The following THRB variants were observed in gnomAD, a reference collection of about 807,000 sequenced individuals.
THRB encodes the protein thyroid hormone receptor beta, also known as nuclear receptor subfamily 1 group A member 2.
Under a neutral mutation model 47.8 loss-of-function variants are expected in THRB, and 12 were observed. The observed-to-expected ratio is 0.25, with a 90% confidence interval of 0.16 to 0.41. THRB has a LOEUF of 0.41. Ranked by LOEUF, THRB falls within the 10% of genes least tolerant of loss-of-function variation. The pLI is 1.00. For synonymous variants in THRB, 218 were observed against 212.2 expected, an observed-to-expected ratio of 1.03 and a Z score of -0.24; for missense variants, 348 against 589.2, an observed-to-expected ratio of 0.59 and a Z score of 4.24.
intron 1 of THRB, among the ~76,000 whole-genome samples, chr3:24,488,601 C>A: frequency 6.6e-6 from 1 of 150,558 alleles, no homozygotes; most frequent in Non-Finnish European, 1.5e-5. Flanking sequence ...CTCAGCAGAT[C>A]TGAGACAGAT....
rs200401316 is a variant in THRB, at chr3:24,315,967, G to GT, written c.-188-18597dup. On this transcript the variant is annotated intron_variant, in intron 2 of 10. Coordinates refer to ENST00000646209, the MANE Select transcript of THRB (RefSeq NM_001354712.2). The stretch of plus-strand genomic sequence containing the variant: ...ATTTCAAATATCTCCGTATGTTTCT[G>GT]TTTTTTTTCTTTTTTGTTAGAAAAG... 2.9e-3 allele frequency among the ~76,000 whole-genome samples: 447 copies of GT among 151,938 alleles called. 1 individual carries two copies. The highest frequency in any genetic ancestry group is 0.01 in the African/African-American group (427 of 41,446).
At chr3:24,186,852 G>C (rs1004680299) in intron 5 of THRB, among the ~76,000 whole-genome samples, 1 of 149,102 alleles carries the variant, frequency 6.7e-6, no homozygotes, top group Non-Finnish European at 1.5e-5. Flanking sequence ...GGCTGAGGCA[G>C]GAGAATTGCT....
intron 1 of THRB, among the ~76,000 whole-genome samples, chr3:24,383,592 C>A (rs1245181579): frequency 6.6e-6 from 1 of 152,072 alleles, no homozygotes; most frequent in East Asian, 1.9e-4. Context: ...TTAGTAGTAT[C>A]TTCATATCCT....
At chr3:24,452,263 C>A (rs141032959) in intron 1 of THRB, among the ~76,000 whole-genome samples, 7 of 152,200 alleles carry the variant, frequency 4.6e-5, no homozygotes, top group Admixed American at 2.6e-4. Flanking sequence ...AAAAGTAGTG[C>A]ATTAAAATAA....
Position 24,481,229 on chromosome 3 carries a change from G to GTTTTTTTTTTTTTTTTTTTTTTTT in THRB, c.-261+13399_-261+13422dup, listed in dbSNP as rs746323691. Among the ~76,000 whole-genome samples, 37 of 55,368 alleles carry GTTTTTTTTTTTTTTTTTTTTTTTT rather than the reference G, an allele frequency of 6.7e-4. 7 individuals are homozygous for GTTTTTTTTTTTTTTTTTTTTTTTT. Among genetic ancestry groups the GTTTTTTTTTTTTTTTTTTTTTTTT allele is most frequent in the African/African-American group, 2.7e-3 (35 of 13,076 alleles). 36.3% of individuals were successfully genotyped at this position (55,368 alleles called of 152,430 possible). ...TATATGTGTGGATGCGTTTCTTTCT[G>GTTTTTTTTTTTTTTTTTTTTTTTT]TTTTTTTTTTTTTTTTTTTTTTTTT... On this transcript the variant is annotated intron_variant, in intron 1 of 10. Transcript: ENST00000646209.
At chr3:24,449,001 G>C (rs763411989) in intron 1 of THRB, among the ~76,000 whole-genome samples, 29 of 152,190 alleles carry the variant, frequency 1.9e-4, no homozygotes, top group Non-Finnish European at 4.3e-4. Context: ...ACAGAAGGAA[G>C]TCAAAGCAGG....
At chr3:24,147,750 A>G (rs905417455) in intron 6 of THRB, among the ~76,000 whole-genome samples, 1 of 152,222 alleles carries the variant, frequency 6.6e-6, no homozygotes, top group Non-Finnish European at 1.5e-5. Context: ...AGTGCTGTAG[A>G]AACATTCAAT....
intron 3 of THRB, among the ~76,000 whole-genome samples, chr3:24,292,681 C>G (rs755816988): frequency 6.6e-6 from 1 of 152,054 alleles, no homozygotes; most frequent in Non-Finnish European, 1.5e-5. Flanking sequence ...TAAATCTTGT[C>G]GAGTAAAGAA....
chr3:24,260,938 C>A (rs1272615018), intron 3 of THRB, among the ~76,000 whole-genome samples: 2 of 152,172 alleles, frequency 1.3e-5, no homozygotes, highest in African/African-American at 4.8e-5. Context: ...GGTTGCTGGC[C>A]CCAACCCCAG....
chr3:24,447,374 C>A (rs17787379), intron 1 of THRB, among the ~76,000 whole-genome samples: 21,207 of 152,140 alleles, frequency 0.14, 1,915 homozygotes, highest in Non-Finnish European at 0.2. Flanking sequence ...ATAATCTCAA[C>A]AAGTCAAACA....
intron 1 of THRB, among the ~76,000 whole-genome samples, chr3:24,467,520 A>G (rs1444523829): frequency 6.6e-6 from 1 of 152,234 alleles, no homozygotes; most frequent in Non-Finnish European, 1.5e-5. Flanking sequence ...TAATAAGACA[A>G]AAAGAGTCAA....
At chr3:24,425,150 T>C (rs554987184) in intron 1 of THRB, among the ~76,000 whole-genome samples, 1 of 151,868 alleles carries the variant, frequency 6.6e-6, no homozygotes, top group Non-Finnish European at 1.5e-5. Flanking sequence ...GTTTTCAAGA[T>C]GTGGTATTGC....
intron 2 of THRB, among the ~76,000 whole-genome samples, chr3:24,323,492 T>C (rs2058617910): frequency 6.6e-6 from 1 of 152,254 alleles, no homozygotes; most frequent in Non-Finnish European, 1.5e-5. Flanking sequence ...CTTGTTAAAG[T>C]ACAGATTCTG....
intron 3 of THRB, among the ~76,000 whole-genome samples, chr3:24,280,471 A>G (rs1483546787): frequency 6.6e-6 from 1 of 152,196 alleles, no homozygotes; most frequent in Admixed American, 6.5e-5. Context: ...AGTAGGTAAA[A>G]CCACAAAGAT....
chr3:24,339,125 C>CTA (rs1371318040), intron 1 of THRB, among the ~76,000 whole-genome samples: 104 of 151,696 alleles, frequency 6.9e-4, no homozygotes, highest in African/African-American at 1.2e-3. Context: ...AAATACAAAA[C>CTA]TATATATATA....
At chr3:24,475,603 A>G (rs1441858905) in intron 1 of THRB, among the ~76,000 whole-genome samples, 1 of 152,232 alleles carries the variant, frequency 6.6e-6, no homozygotes, top group African/African-American at 2.4e-5. Flanking sequence ...TGACACTACT[A>G]GTGACTAGTT....
chr3:24,272,514 A>T (rs1395991696), intron 3 of THRB, among the ~76,000 whole-genome samples: 1 of 152,126 alleles, frequency 6.6e-6, no homozygotes. Flanking sequence ...ATTGCCAACA[A>T]TTTGTAATGC....
At chr3:24,467,740 C>A (rs2074264977) in intron 1 of THRB, among the ~76,000 whole-genome samples, 1 of 152,192 alleles carries the variant, frequency 6.6e-6, no homozygotes, top group South Asian at 2.1e-4. Flanking sequence ...GTCATCCAGG[C>A]TTTGTTGTTC....
chr3:24,406,974 T>C (rs182662040), intron 1 of THRB, among the ~76,000 whole-genome samples: 8 of 152,036 alleles, frequency 5.3e-5, no homozygotes, highest in African/African-American at 1.4e-4. Context: ...GAATAGCCAC[T>C]GGACCAAGAC....
Sources: gnomAD v4.1 joint callset for allele counts (sites outside exome capture counted in the v4.1 genomes callset) on GRCh38, gnomAD v4.1.1 for gene constraint, MANE v1.5 for transcripts, NCBI Gene and HGNC (gene_info 2026-07-23, HGNC 2026-07-21) for gene names.